GRB2: variants seen among roughly 807,000 people sequenced by gnomAD.
GRB2 encodes growth factor receptor-bound protein 2.
Under a neutral mutation model 27.4 loss-of-function variants are expected in GRB2, and 2 were observed. That is an observed-to-expected ratio of 0.07 (90% CI 0.03 to 0.23). The LOEUF is 0.23. Among genes scored for constraint, GRB2 ranks in the 10% least tolerant of loss-of-function variants. The pLI, the probability that GRB2 is intolerant of heterozygous loss-of-function variation, is 1.00. For synonymous variants in GRB2, 94 were observed against 99.6 expected (o/e 0.94, Z 0.33); for missense variants, 102 against 282.4 (o/e 0.36, Z 4.58).
intron 2 of GRB2, among the ~76,000 whole-genome samples, chr17:75,384,258 C>A (rs1037616795): frequency 6.6e-6 from 1 of 152,190 alleles, no homozygotes; most frequent in African/African-American, 2.4e-5. Flanking sequence ...TAAATCTCAA[C>A]GCTTAAGAAA....
chr17:75,349,622 T>C (rs6501778), intron 2 of GRB2, among the ~76,000 whole-genome samples: 94,693 of 151,236 alleles, frequency 0.63, 33,435 homozygotes, highest in East Asian at 0.87. Context: ...TGGGTTCAAG[T>C]GATTCTCCTG....
chr17:75,332,824 A>G (rs772245182), intron 2 of GRB2, 27 bp from the exon 3 acceptor site: 1 of 1,392,772 alleles, frequency 7.2e-7, no homozygotes, highest in Non-Finnish European at 1.0e-6. Flanking sequence ...CAACAAAAAA[A>G]CCCAATCATT....
At chr17:75,396,731 C>T (rs1276291110) in intron 1 of GRB2, among the ~76,000 whole-genome samples, 1 of 152,138 alleles carries the variant, frequency 6.6e-6, no homozygotes, top group East Asian at 1.9e-4. Flanking sequence ...ATCTCTCCTA[C>T]TATCAAGATT....
rs1476289287 is a variant in GRB2, at chr17:75,318,662, A to G, written c.*1706T>C. The G allele has an allele frequency of 6.6e-6, 1 of 152,232 alleles. No individual in the cohort carries two copies. The highest frequency in any genetic ancestry group is 1.5e-5 in the Non-Finnish European group (1 of 68,128). 9.4% of individuals were successfully genotyped at this position (152,232 alleles called of 1,614,324 possible). A position where few individuals can be genotyped will look rare whatever the true frequency, so the allele number is the denominator to read the frequency against. On this transcript the variant is annotated 3_prime_UTR_variant, in exon 6 of 6. Coordinates refer to ENST00000316804, the MANE Select transcript of GRB2 (RefSeq NM_002086.5). Reference sequence around the variant, plus strand: ...CCAACTCTCCCTGCTTCCTGGGACCATCGGTAGGGGTGGGGAGCAGCAGTC... The same window carrying G: ...CCAACTCTCCCTGCTTCCTGGGACCGTCGGTAGGGGTGGGGAGCAGCAGTC...
intron 2 of GRB2, among the ~76,000 whole-genome samples, chr17:75,374,730 T>C (rs906311032): frequency 6.6e-6 from 1 of 151,684 alleles, no homozygotes; most frequent in Non-Finnish European, 1.5e-5. Flanking sequence ...GAGGCTGCAA[T>C]GAGCCATGAT....
At chr17:75,367,162 C>T (rs1838357920) in intron 2 of GRB2, among the ~76,000 whole-genome samples, 1 of 151,958 alleles carries the variant, frequency 6.6e-6, no homozygotes, top group Admixed American at 6.6e-5. Context: ...TATAATCAGA[C>T]CCACTGCTCT....
chr17:75,330,134 AG>A (rs1180069708), intron 3 of GRB2, among the ~76,000 whole-genome samples: 2 of 152,152 alleles, frequency 1.3e-5, no homozygotes, highest in Non-Finnish European at 2.9e-5. Flanking sequence ...CTGTAATCCC[AG>A]CACTTTGGGA....
intron 2 of GRB2, among the ~76,000 whole-genome samples, chr17:75,392,689 A>T (rs9901434): frequency 6.6e-6 from 1 of 152,046 alleles, no homozygotes; most frequent in African/African-American, 2.4e-5. Context: ...ATGAAGCTTC[A>T]GCCTTTCCTC....
At position 75,318,357 on chromosome 17, in the gene GRB2, C is replaced by T. The variant is rs1161134067; in HGVS notation, c.*2011G>A. 6.6e-6 allele frequency: 1 copy of T among 152,150 alleles called. No individual in the cohort carries two copies. Among genetic ancestry groups the T allele is most frequent in the Non-Finnish European group, 1.5e-5 (1 of 68,036 alleles). 9.4% of individuals were successfully genotyped at this position (152,150 alleles called of 1,614,324 possible). On this transcript the variant is annotated 3_prime_UTR_variant, in exon 6 of 6. Coordinates refer to ENST00000316804, the MANE Select transcript of GRB2 (RefSeq NM_002086.5). ...GAGGGAAGGCGGGGACAGGCTCTGC[C>T]CAGAAGAGCTGCCGCCTCCTGGCAC...
intron 2 of GRB2, among the ~76,000 whole-genome samples, chr17:75,360,074 G>A (rs936076576): frequency 5.9e-5 from 9 of 151,832 alleles, no homozygotes; most frequent in African/African-American, 1.9e-4. Flanking sequence ...TTGAGGCCAG[G>A]GGTTAGAGAC....
At chr17:75,337,017 C>A (rs918029493) in intron 2 of GRB2, among the ~76,000 whole-genome samples, 1 of 152,300 alleles carries the variant, frequency 6.6e-6, no homozygotes, top group Non-Finnish European at 1.5e-5. Flanking sequence ...GGATTATAGG[C>A]GTGAGCCATC....
intron 1 of GRB2, chr17:75,404,969 T>TC: frequency 6.6e-6 from 1 of 151,994 alleles, no homozygotes; most frequent in South Asian, 2.1e-4. Flanking sequence ...AGTTTTTTTT[T>TC]TTAAGTGTCA....
intron 2 of GRB2, among the ~76,000 whole-genome samples, chr17:75,381,418 T>G (rs1190940307): frequency 6.6e-6 from 1 of 152,104 alleles, no homozygotes; most frequent in African/African-American, 2.4e-5. Flanking sequence ...AAACTCCTTT[T>G]CATAGTTATG....
chr17:75,354,517 A>G (rs1346696034), intron 2 of GRB2, among the ~76,000 whole-genome samples: 1 of 152,114 alleles, frequency 6.6e-6, no homozygotes, highest in African/African-American at 2.4e-5. Context: ...TGCTCACGCG[A>G]GGGATCTAGG....
chr17:75,376,793 G>C (rs376421661), intron 2 of GRB2, among the ~76,000 whole-genome samples: 17 of 151,954 alleles, frequency 1.1e-4, no homozygotes, highest in African/African-American at 4.1e-4. Flanking sequence ...CTTAATCCCA[G>C]AAGTTTGAGA....
chr17:75,339,771 C>T lies in GRB2; in HGVS notation c.79-6974G>A, dbSNP rs573335047. 1.4e-3 allele frequency among the ~76,000 whole-genome samples: 216 copies of T among 152,078 alleles called. 1 individual carries two copies. Among genetic ancestry groups the T allele is most frequent in the Non-Finnish European group, 2.5e-3 (172 of 68,006 alleles). ...CCTCCCAAGTAGCTGGGATTACAGG[C>T]GTCTGCCACCACACCTGGCTAATTG... is the stretch of plus-strand genomic sequence containing the variant. On this transcript the variant is annotated intron_variant, in intron 2 of 5. Transcript: ENST00000316804.
chr17:75,325,091 A>T (rs1015321515), intron 4 of GRB2, among the ~76,000 whole-genome samples: 1 of 152,068 alleles, frequency 6.6e-6, no homozygotes, highest in Non-Finnish European at 1.5e-5. Flanking sequence ...AAGTAAATAA[A>T]ATAAAAGGAA....
chr17:75,326,476 C>T (rs1283313842), intron 3 of GRB2: 2 of 164,578 alleles, frequency 1.2e-5, no homozygotes, highest in Admixed American at 1.1e-4. Context: ...GGGAGGAAAC[C>T]TGGACGGCCA....
chr17:75,403,736 C>A (rs1181803652), intron 1 of GRB2, among the ~76,000 whole-genome samples: 1 of 151,918 alleles, frequency 6.6e-6, no homozygotes, highest in Non-Finnish European at 1.5e-5. Flanking sequence ...TGCACTCCAG[C>A]CTGGGCGACA....
Sources: gnomAD v4.1 joint callset for allele counts (sites outside exome capture counted in the v4.1 genomes callset) on GRCh38, gnomAD v4.1.1 for gene constraint, MANE v1.5 for transcripts, NCBI Gene and HGNC (gene_info 2026-07-23, HGNC 2026-07-21) for gene names.